PIBF1: variants seen among roughly 807,000 people sequenced by gnomAD.
PIBF1 encodes progesterone immunomodulatory binding factor 1, also known as progesterone-induced-blocking factor 1.
In PIBF1, 90 loss-of-function variants were observed where a neutral mutation model predicts 112.5. The observed-to-expected ratio is 0.80, with a 90% CI of 0.67 to 0.95. PIBF1 has a LOEUF of 0.95. Among genes scored for constraint, PIBF1 ranks in the 40% least tolerant of loss-of-function variants. The pLI is 0.00. For synonymous variants in PIBF1, 301 were observed against 288.6 expected (o/e 1.04, Z -0.44); for missense variants, 915 against 852.3 (o/e 1.07, Z -0.92).
intron 10 of PIBF1, chr13:72,881,126 A>G (rs1418473812): frequency 6.7e-6 from 1 of 150,130 alleles, no homozygotes; most frequent in Non-Finnish European, 1.5e-5. Flanking sequence ...AAAATGCTTC[A>G]TGATTTTGTA....
chr13:72,786,653 C>T (rs538083649), intron 2 of PIBF1, among the ~76,000 whole-genome samples: 1 of 152,304 alleles, frequency 6.6e-6, no homozygotes, highest in South Asian at 2.1e-4. Flanking sequence ...CAGCATTAGA[C>T]ATTTCTCTTC....
chr13:72,901,263 C>A (rs1468416841), intron 11 of PIBF1, among the ~76,000 whole-genome samples: 2 of 152,128 alleles, frequency 1.3e-5, no homozygotes, highest in Non-Finnish European at 2.9e-5. Context: ...ATAGACAATT[C>A]TCAAAAGAAG....
At position 73,012,157 on chromosome 13, in the gene PIBF1, G is replaced by A. The variant is rs528121090; in HGVS notation, c.2224-3712G>A. Among the ~76,000 whole-genome samples, 8 of 152,186 alleles carry A rather than the reference G, an allele frequency of 5.3e-5. No individual in the cohort carries two copies. In the East Asian group the frequency reaches 1.6e-3, roughly 30 times the overall value. ...ACCTGAGATCAGGAGGTCGAGACCA[G>A]CCTGACCAACATGGTGAAACCCCAT... On this transcript the variant is annotated intron_variant, in intron 17 of 17. Transcript: ENST00000326291.
At chr13:72,926,978 G>A (rs1192481985) in intron 13 of PIBF1, among the ~76,000 whole-genome samples, 12 of 151,804 alleles carry the variant, frequency 7.9e-5, no homozygotes, top group South Asian at 6.2e-4. Flanking sequence ...AATATTTTTC[G>A]AATGAATTAA....
rs11148921 is a variant in PIBF1, at chr13:72,792,566, A to T, written c.353+19A>T. 349,350 of 1,074,314 alleles carry T rather than the reference A, an allele frequency of 0.33. 56,465 individuals carry two copies. The highest frequency in any genetic ancestry group is 0.51 in the Admixed American group (18,959 of 37,462). The allele number at this position is 1,074,314 out of a possible 1,614,324, so 66.5% of individuals were successfully genotyped here. A position where few individuals can be genotyped will look rare whatever the true frequency, so the allele number is the denominator to read the frequency against. ...ATGCCAGGTAAGAAAAGTTTTTTTT[A>T]AAAAAAAAACAACATCTATTTAGCA... is the stretch of plus-strand genomic sequence containing the variant. On this transcript the variant is annotated intron_variant, in intron 3 of 17. Coordinates refer to ENST00000326291, the MANE Select transcript of PIBF1 (RefSeq NM_006346.4).
intron 10 of PIBF1, among the ~76,000 whole-genome samples, chr13:72,892,818 A>ACACACACG (rs1555307911): frequency 6.8e-6 from 1 of 146,914 alleles, no homozygotes; most frequent in South Asian, 2.2e-4. Context: ...ACGCACACGC[A>ACACACACG]CACACACCCC....
Position 72,784,473 on chromosome 13 carries a change from T to C in PIBF1, c.252+752T>C, listed in dbSNP as rs143372515. Among the ~76,000 whole-genome samples the C allele has an allele frequency of 9.0e-3, 1,350 of 150,696 alleles. 63 individuals are homozygous for C. The highest frequency in any genetic ancestry group is 9.8e-3 in the East Asian group (50 of 5,096). ...TAGTAATAATAATAATAATAATAATTGGAGGCCAAGTGCGGTGGCTCACAC... is the reference window on the plus strand; with the variant it reads ...TAGTAATAATAATAATAATAATAATCGGAGGCCAAGTGCGGTGGCTCACAC... On this transcript the variant is annotated intron_variant, in intron 2 of 17. Transcript: ENST00000326291.
chr13:72,832,779 C>T (rs1004129485), intron 8 of PIBF1, among the ~76,000 whole-genome samples: 3 of 152,054 alleles, frequency 2.0e-5, no homozygotes, highest in African/African-American at 7.2e-5. Flanking sequence ...GTATCTTTGT[C>T]GTGTTCTCTG....
At chr13:72,894,339 A>G (rs550274912) in intron 11 of PIBF1, among the ~76,000 whole-genome samples, 12 of 152,204 alleles carry the variant, frequency 7.9e-5, no homozygotes, top group Middle Eastern at 3.4e-3. Context: ...ATATGTTTCT[A>G]TCTAATCAAA....
intron 17 of PIBF1, among the ~76,000 whole-genome samples, chr13:73,014,577 T>A (rs2044326889): frequency 6.6e-6 from 1 of 152,154 alleles, no homozygotes; most frequent in Non-Finnish European, 1.5e-5. Context: ...AGGGTGATAA[T>A]ATGTCAGTGT....
At chr13:72,941,914 G>GA (rs1227901401) in intron 14 of PIBF1, among the ~76,000 whole-genome samples, 26 of 152,036 alleles carry the variant, frequency 1.7e-4, no homozygotes, top group African/African-American at 6.0e-4. Context: ...TACAGAAAAT[G>GA]AAAAAAATCT....
At chr13:72,990,564 A>C (rs2043445926) in intron 16 of PIBF1, among the ~76,000 whole-genome samples, 3 of 148,182 alleles carry the variant, frequency 2.0e-5, no homozygotes, top group African/African-American at 5.0e-5. Flanking sequence ...AATGAAGTTT[A>C]AAGCTGGGCA....
chr13:72,905,222 AAC>A, intron 11 of PIBF1, among the ~76,000 whole-genome samples: 1 of 151,820 alleles, frequency 6.6e-6, no homozygotes, highest in Non-Finnish European at 1.5e-5. Context: ...CACGCACCAC[AAC>A]ACCCGGCTAA....
chr13:72,826,960 G>A (rs756171111), intron 6 of PIBF1, 50 bp from the exon 7 acceptor site: 3 of 1,123,734 alleles, frequency 2.7e-6, no homozygotes, highest in Admixed American at 2.0e-5. Flanking sequence ...AGTGTACGCT[G>A]TACAAGGGGA....
At chr13:72,883,319 G>A (rs1280475839) in intron 10 of PIBF1, among the ~76,000 whole-genome samples, 6 of 152,154 alleles carry the variant, frequency 3.9e-5, no homozygotes. Context: ...AAAGTAGAAT[G>A]ATGGTAACCA....
At chr13:72,865,044 T>G (rs2038864291) in intron 10 of PIBF1, among the ~76,000 whole-genome samples, 1 of 152,138 alleles carries the variant, frequency 6.6e-6, no homozygotes, top group Non-Finnish European at 1.5e-5. Flanking sequence ...AAATGTATGT[T>G]TTGGAGGAGC....
At chr13:72,990,528 C>CAAA (rs113835188) in intron 16 of PIBF1, among the ~76,000 whole-genome samples, 4 of 63,810 alleles carry the variant, frequency 6.3e-5, no homozygotes, top group Non-Finnish European at 7.6e-5. Flanking sequence ...CTCTCCATCT[C>CAAA]AAAAAAAAAA....
Position 72,934,539 on chromosome 13 carries a change from A to G in PIBF1, c.1833+3272A>G, listed in dbSNP as rs539378027. ...GTTCAGGATCTCTATTCTTTGGATC[A>G]GGTTAAATATTTAAATCAGTTTGGC... On this transcript the variant is annotated intron_variant, in intron 14 of 17. Coordinates refer to ENST00000326291, the MANE Select transcript of PIBF1 (RefSeq NM_006346.4). Among the ~76,000 whole-genome samples, 206 of 152,224 alleles carry G rather than the reference A, an allele frequency of 1.4e-3. 1 individual carries two copies. The highest frequency in any genetic ancestry group is 4.8e-3 in the African/African-American group (201 of 41,552).
chr13:73,014,261 T>C (rs1566549754), intron 17 of PIBF1, among the ~76,000 whole-genome samples: 1 of 152,098 alleles, frequency 6.6e-6, no homozygotes, highest in Admixed American at 6.6e-5. Context: ...CCAGCTAAAA[T>C]TGTACCTATT....
Sources: gnomAD v4.1 joint callset for allele counts (sites outside exome capture counted in the v4.1 genomes callset) on GRCh38, gnomAD v4.1.1 for gene constraint, MANE v1.5 for transcripts, NCBI Gene and HGNC (gene_info 2026-07-23, HGNC 2026-07-21) for gene names.